Variants in SAMD12 observed in about 807,000 individuals in gnomAD.
The protein encoded by SAMD12 is sterile alpha motif domain-containing protein 12.
Under a neutral mutation model 15.0 loss-of-function variants are expected in SAMD12, and 9 were observed. The ratio of observed to expected loss-of-function variants is 0.60; its 90% confidence interval spans 0.36 to 1.05. The LOEUF (loss-of-function observed/expected upper bound fraction) is 1.05. SAMD12 is among the 50% of genes least tolerant of loss of function. The pLI is 0.01. For synonymous variants in SAMD12, 86 were observed against 90.1 expected, an observed-to-expected ratio of 0.96 and a Z score of 0.25; for missense variants, 230 against 234.2, an observed-to-expected ratio of 0.98 and a Z score of 0.12.
chr8:118,583,682 C>G (rs1338751492), intron 1 of SAMD12, among the ~76,000 whole-genome samples: 1 of 152,146 alleles, frequency 6.6e-6, no homozygotes, highest in African/African-American at 2.4e-5. Flanking sequence ...AATCCTATCT[C>G]CTGCTCTTTG....
chr8:118,265,719 A>T (rs1813180484), intron 4 of SAMD12, among the ~76,000 whole-genome samples: 1 of 151,914 alleles, frequency 6.6e-6, no homozygotes, highest in Admixed American at 6.6e-5. Flanking sequence ...GCTCATGGAT[A>T]CTTAAGTGGT....
chr8:118,212,935 A>G (rs554734576), intron 4 of SAMD12, among the ~76,000 whole-genome samples: 3 of 152,346 alleles, frequency 2.0e-5, no homozygotes, highest in Non-Finnish European at 2.9e-5. Context: ...ATGAAAGAGC[A>G]TATATCATGG....
At chr8:118,169,589 C>T in the SAMD12 span, among the ~76,000 whole-genome samples, 1 of 152,182 alleles carries the variant, frequency 6.6e-6, no homozygotes, top group Non-Finnish European at 1.5e-5. Flanking sequence ...TTCAGGACCA[C>T]TTGTAGTCTA....
exon 5 of SAMD12, chr8:118,189,946 G>GAAAAAAA (rs895075538): frequency 4.3e-5 from 3 of 69,054 alleles, no homozygotes; most frequent in Admixed American, 1.7e-4. Flanking sequence ...ATGCACAGAG[G>GAAAAAAA]AAAAAAAAAA....
At chr8:118,318,329 T>TATATATATATATATATATAC (rs1816042474) in intron 4 of SAMD12, among the ~76,000 whole-genome samples, 3 of 76,138 alleles carry the variant, frequency 3.9e-5, no homozygotes, top group Non-Finnish European at 8.6e-5. Flanking sequence ...TATATATATA[T>TATATATATATATATATATAC]ATATATATAT....
chr8:118,211,091 G>A (rs1369731655), intron 4 of SAMD12, among the ~76,000 whole-genome samples: 1 of 152,178 alleles, frequency 6.6e-6, no homozygotes, highest in Non-Finnish European at 1.5e-5. Flanking sequence ...AGATTCCAGG[G>A]GAGCAGAAGG....
intron 2 of SAMD12, among the ~76,000 whole-genome samples, chr8:118,534,227 T>G (rs1825770804): frequency 6.6e-6 from 1 of 152,146 alleles, no homozygotes; most frequent in African/African-American, 2.4e-5. Context: ...GATATGAAAT[T>G]CTGGGTTGCA....
At chr8:118,433,327 T>C (rs1341798781) in intron 3 of SAMD12, among the ~76,000 whole-genome samples, 1 of 152,232 alleles carries the variant, frequency 6.6e-6, no homozygotes, top group Non-Finnish European at 1.5e-5. Context: ...ATAAATTACA[T>C]TCTCCAAAGA....
chr8:118,518,663 C>A (rs1586782084), intron 2 of SAMD12, among the ~76,000 whole-genome samples: 1 of 152,174 alleles, frequency 6.6e-6, no homozygotes, highest in Admixed American at 6.5e-5. Context: ...CTTCTCAGCC[C>A]TGACTGCATA....
intron 4 of SAMD12, among the ~76,000 whole-genome samples, chr8:118,214,923 A>G (rs1276252767): frequency 6.6e-6 from 1 of 152,182 alleles, no homozygotes; most frequent in Non-Finnish European, 1.5e-5. Context: ...CAGAGGTTAG[A>G]TAGGACCAAT....
chr8:118,532,479 T>C (rs1825717890), intron 2 of SAMD12, among the ~76,000 whole-genome samples: 4 of 152,190 alleles, frequency 2.6e-5, no homozygotes, highest in Admixed American at 2.6e-4. Flanking sequence ...GATTCCCTCT[T>C]TTTCTATTGA....
intron 2 of SAMD12, among the ~76,000 whole-genome samples, chr8:118,559,148 T>A (rs1826636507): frequency 6.6e-6 from 1 of 152,204 alleles, no homozygotes; most frequent in African/African-American, 2.4e-5. Context: ...TTATTCAGCT[T>A]ATAGATCCTG....
chr8:118,322,021 T>A (rs1816310900), intron 4 of SAMD12, among the ~76,000 whole-genome samples: 1 of 152,148 alleles, frequency 6.6e-6, no homozygotes, highest in Non-Finnish European at 1.5e-5. Flanking sequence ...TCTGGAAGAT[T>A]ATCCCTCCTG....
At chr8:118,425,037 C>T (rs1018270448) in intron 3 of SAMD12, among the ~76,000 whole-genome samples, 5 of 150,950 alleles carry the variant, frequency 3.3e-5, no homozygotes, top group African/African-American at 1.2e-4. Context: ...CTCCTGGGTT[C>T]ACGCTATTCT....
rs1202738917 is a variant in SAMD12, at chr8:118,361,329, TGGATTC to T, written c.433+18225_433+18230del. Among the ~76,000 whole-genome samples, 11 of 152,212 alleles carry T rather than the reference TGGATTC, an allele frequency of 7.2e-5. No homozygotes were observed. In the East Asian group the frequency reaches 2.1e-3, roughly 29 times the overall value. ...AGATGCTGTAAGCTCCATAAAAGCATGGATTCAGGATGCACTGTTCATCACTGATTC... is the reference window on the plus strand; with the variant it reads ...AGATGCTGTAAGCTCCATAAAAGCATAGGATGCACTGTTCATCACTGATTC... On this transcript the variant is annotated intron_variant, in intron 4 of 4. Transcript: ENST00000409003.
intron 4 of SAMD12, among the ~76,000 whole-genome samples, chr8:118,239,000 C>G (rs1812502784): frequency 6.6e-6 from 1 of 152,108 alleles, no homozygotes; most frequent in Non-Finnish European, 1.5e-5. Context: ...CACCCAGATT[C>G]TTCTGTGAAC....
intron 4 of SAMD12, among the ~76,000 whole-genome samples, chr8:118,278,805 G>C (rs1036768538): frequency 5.3e-5 from 8 of 152,142 alleles, no homozygotes; most frequent in Admixed American, 3.3e-4. Context: ...TCAAAGAGAC[G>C]AATATGGCAG....
chr8:118,470,321 T>C (rs775481954), intron 2 of SAMD12, among the ~76,000 whole-genome samples: 9 of 151,390 alleles, frequency 5.9e-5, no homozygotes, highest in Non-Finnish European at 1.0e-4. Flanking sequence ...TGGAAAGCAA[T>C]AGATAACCTG....
chr8:118,277,614 CTCA>C (rs1254918208), intron 4 of SAMD12, among the ~76,000 whole-genome samples: 3 of 151,224 alleles, frequency 2.0e-5, no homozygotes, highest in Non-Finnish European at 4.4e-5. Flanking sequence ...GAATTCTACT[CTCA>C]AATGATATTA....
Sources: allele counts gnomAD v4.1 joint callset (sites outside exome capture counted in the v4.1 genomes callset), GRCh38; gene constraint gnomAD v4.1.1; transcripts MANE v1.5; gene names NCBI Gene and HGNC (gene_info 2026-07-23, HGNC 2026-07-21).